The following MBD5 variants were observed in gnomAD, a reference collection of about 807,000 sequenced individuals.
MBD5 encodes the protein methyl-CpG-binding domain protein 5.
A neutral mutation model predicts 117.3 loss-of-function variants in MBD5; 13 were observed. The observed-to-expected ratio is 0.11, with a 90% CI of 0.07 to 0.18. MBD5 has a LOEUF of 0.18. MBD5 is among the 10% of genes least tolerant of loss of function. The pLI is 1.00. For missense variants in MBD5, 1,879 were observed against 2,093.8 expected (o/e 0.90, Z 2.00); for synonymous variants, 727 against 766.4 (o/e 0.95, Z 0.85).
chr2:148,181,885 T>C (rs897006578), intron 2 of MBD5, among the ~76,000 whole-genome samples: 10 of 152,166 alleles, frequency 6.6e-5, no homozygotes, highest in African/African-American at 2.4e-4. Flanking sequence ...GTGCTACTGA[T>C]ATTTTTAAAA....
At chr2:148,050,013 G>A (rs1475030318) in intron 1 of MBD5, among the ~76,000 whole-genome samples, 2 of 152,150 alleles carry the variant, frequency 1.3e-5, no homozygotes, top group African/African-American at 4.8e-5. Flanking sequence ...TAATGCTGCT[G>A]TAAACATTTG....
chr2:148,253,667 G>A (rs1038229690), intron 3 of MBD5, among the ~76,000 whole-genome samples: 15 of 152,180 alleles, frequency 9.9e-5, no homozygotes, highest in South Asian at 4.1e-4. Flanking sequence ...ACTGAGGTCC[G>A]AGGGGAGTCA....
chr2:148,481,419 A>G (rs1224988725), intron 8 of MBD5, among the ~76,000 whole-genome samples: 1 of 152,218 alleles, frequency 6.6e-6, no homozygotes, highest in Non-Finnish European at 1.5e-5. Flanking sequence ...GTGACATGAT[A>G]AAATGTAAAG....
At chr2:148,344,347 G>A (rs1253927296) in intron 4 of MBD5, among the ~76,000 whole-genome samples, 2 of 151,894 alleles carry the variant, frequency 1.3e-5, no homozygotes, top group Non-Finnish European at 2.9e-5. Context: ...TTCCAATTCT[G>A]TGAAAAATGA....
At position 148,220,845 on chromosome 2, in the gene MBD5, C is replaced by T. The variant is rs571772890; in HGVS notation, c.-830-12400C>T. Among the ~76,000 whole-genome samples, 7 of 151,982 alleles carry T rather than the reference C, an allele frequency of 4.6e-5. No homozygotes were observed. In the East Asian group the frequency reaches 1.4e-3, roughly 29 times the overall value. On this transcript the variant is annotated intron_variant, in intron 2 of 13. Transcript: ENST00000642680. The stretch of plus-strand genomic sequence containing the variant: ...TTAAATTACTATCAACTATAGTCAC[C>T]CTGTTGTGCTATCAAATACTAGGAC...
intron 1 of MBD5, among the ~76,000 whole-genome samples, chr2:148,087,052 G>T (rs967196373): frequency 6.6e-6 from 1 of 152,100 alleles, no homozygotes; most frequent in African/African-American, 2.4e-5. Context: ...TAGGAGACAG[G>T]GCTGACCTGC....
chr2:148,453,396 T>C (rs185935799), intron 4 of MBD5, among the ~76,000 whole-genome samples: 1 of 152,156 alleles, frequency 6.6e-6, no homozygotes. Flanking sequence ...GGCAGGTATC[T>C]CCCTCAGAAC....
At chr2:148,369,534 A>T (rs890360554) in intron 4 of MBD5, among the ~76,000 whole-genome samples, 44 of 152,192 alleles carry the variant, frequency 2.9e-4, no homozygotes, top group Non-Finnish European at 1.2e-4. Context: ...TGCTAAGATG[A>T]CAAATTAAAT....
intron 3 of MBD5, among the ~76,000 whole-genome samples, chr2:148,252,422 C>G (rs965200266): frequency 2.6e-5 from 4 of 152,144 alleles, no homozygotes; most frequent in Admixed American, 2.0e-4. Context: ...GATCATGCCA[C>G]TGCACTCCAG....
chr2:148,090,642 AT>A (rs988055397), intron 1 of MBD5, among the ~76,000 whole-genome samples: 1 of 152,068 alleles, frequency 6.6e-6, no homozygotes, highest in South Asian at 2.1e-4. Context: ...AAAACACAGC[AT>A]TTTTTTATGA....
At chr2:148,151,489 A>G (rs181724566) in intron 1 of MBD5, among the ~76,000 whole-genome samples, 23 of 152,204 alleles carry the variant, frequency 1.5e-4, no homozygotes, top group Non-Finnish European at 2.9e-4. Context: ...CTCTTTTTCT[A>G]TTGATTGGAA....
chr2:148,422,736 A>G (rs1175875407), intron 4 of MBD5, among the ~76,000 whole-genome samples: 1 of 152,228 alleles, frequency 6.6e-6, no homozygotes, highest in Non-Finnish European at 1.5e-5. Context: ...AGAGAAGAAC[A>G]TAAATGACCT....
chr2:148,217,631 T>G (rs1440749233), intron 2 of MBD5, among the ~76,000 whole-genome samples: 12 of 152,240 alleles, frequency 7.9e-5, no homozygotes, highest in Non-Finnish European at 4.4e-5. Flanking sequence ...TAGGATTGGA[T>G]GTGTGTTTCT....
At chr2:148,203,351 G>C (rs575188799) in intron 2 of MBD5, among the ~76,000 whole-genome samples, 2 of 152,296 alleles carry the variant, frequency 1.3e-5, no homozygotes, top group East Asian at 3.9e-4. Flanking sequence ...CAGTTTATCA[G>C]AGAAGAAATG....
intron 1 of MBD5, among the ~76,000 whole-genome samples, chr2:148,062,738 C>G (rs1416212320): frequency 1.3e-5 from 2 of 151,972 alleles, no homozygotes; most frequent in African/African-American, 2.4e-5. Flanking sequence ...TTTCTCTTTT[C>G]TTTGCCAACA....
chr2:148,468,930 C>T lies in MBD5; in HGVS notation c.987C>T (p.His329=), dbSNP rs1574459598. ...TNMEIPRAMF[H]HKPPQGPPPP... ...TGGAAATACCACGAGCAATGTTCCA[C>T]CACAAACCACCCCAAGGCCCACCTC... is the stretch of plus-strand genomic sequence containing the variant. Residue 329 remains histidine (H), a synonymous_variant, in exon 8 of 14, where the codon CAC becomes CAT. Coordinates refer to ENST00000642680, the MANE Select transcript of MBD5 (RefSeq NM_001378120.1). 1.2e-6 allele frequency: 2 copies of T among 1,613,852 alleles called. No homozygotes were observed. Among genetic ancestry groups the T allele is most frequent in the Non-Finnish European group, 1.7e-6 (2 of 1,179,920 alleles).
chr2:148,308,491 CTTTTTT>C (rs60650324), intron 3 of MBD5, among the ~76,000 whole-genome samples: 9 of 66,804 alleles, frequency 1.3e-4, no homozygotes, highest in Admixed American at 8.7e-4. Context: ...GGGGTTCTTT[CTTTTTT>C]TTTTTTTTTT....
At chr2:148,287,444 A>T (rs1701390941) in intron 3 of MBD5, among the ~76,000 whole-genome samples, 2 of 152,286 alleles carry the variant, frequency 1.3e-5, no homozygotes, top group South Asian at 4.1e-4. Flanking sequence ...TTAGTGAGTG[A>T]CGGATGTATC....
chr2:148,159,061 A>G (rs1444734224), intron 1 of MBD5, among the ~76,000 whole-genome samples: 1 of 152,182 alleles, frequency 6.6e-6, no homozygotes, highest in South Asian at 2.1e-4. Context: ...ACGGTAAAGT[A>G]AAAAACTGCT....
Sources: allele counts gnomAD v4.1 joint callset (sites outside exome capture counted in the v4.1 genomes callset), GRCh38; gene constraint gnomAD v4.1.1; transcripts MANE v1.5; gene names NCBI Gene and HGNC (gene_info 2026-07-23, HGNC 2026-07-21).